SLCO3A1: variants seen among roughly 807,000 people sequenced by gnomAD.
The protein encoded by SLCO3A1 is solute carrier organic anion transporter family member 3A1.
SLCO3A1 carries 27 observed loss-of-function variants against 63.1 expected under a neutral mutation model. The ratio of observed to expected loss-of-function variants is 0.43; its 90% CI spans 0.32 to 0.59. SLCO3A1 has a LOEUF of 0.59. Ranked by LOEUF, SLCO3A1 falls within the 20% of genes least tolerant of loss-of-function variation. SLCO3A1 has a pLI of 0.09. For synonymous variants in SLCO3A1, 473 were observed against 409.9 expected (o/e 1.15, Z -1.86); for missense variants, 773 against 945.8 (o/e 0.82, Z 2.40).
intron 1 of SLCO3A1, among the ~76,000 whole-genome samples, chr15:91,874,325 T>C (rs1897347491): frequency 6.6e-6 from 1 of 152,114 alleles, no homozygotes; most frequent in Admixed American, 6.5e-5. Flanking sequence ...ATTAAGTATA[T>C]TCACAACGTT....
At chr15:91,880,162 CATCCATCCATCT>C (rs1162360224) in intron 1 of SLCO3A1, among the ~76,000 whole-genome samples, 66 of 125,548 alleles carry the variant, frequency 5.3e-4, no homozygotes, top group African/African-American at 2.0e-3. Context: ...TCCATCCATC[CATCCATCCATCT>C]ATCTATCTAT....
rs777374646 is a variant in SLCO3A1, at chr15:91,941,355, A to G, written c.646+24897A>G. The stretch of plus-strand genomic sequence containing the variant: ...GAGTGACCAGCTAGGACTGAGCCCA[A>G]AGACCTGAGATTCCCTGGGAGGCTG... On this transcript the variant is annotated intron_variant, in intron 2 of 9. Transcript: ENST00000318445. This position sits in a 1 kb window ranked among gnomAD's most constrained non-coding sequence, Gnocchi z 4.4. 2.7e-4 allele frequency: 100 copies of G among 364,402 alleles called. No homozygotes were observed. Among genetic ancestry groups the G allele is most frequent in the Non-Finnish European group, 3.7e-4 (69 of 185,706 alleles). The allele number at this position is 364,402 out of a possible 1,614,324, so 22.6% of individuals were successfully genotyped here. A position where few individuals can be genotyped will look rare whatever the true frequency, so the allele number is the denominator to read the frequency against.
At chr15:92,098,922 G>T (rs186916338) in intron 3 of SLCO3A1, among the ~76,000 whole-genome samples, 332 of 152,320 alleles carry the variant, frequency 2.2e-3, no homozygotes, top group Non-Finnish European at 3.5e-3. Context: ...TCCGAGAGAG[G>T]TTAACAGTTT....
chr15:92,012,545 AT>A (rs2046380332), intron 2 of SLCO3A1, among the ~76,000 whole-genome samples: 3 of 152,080 alleles, frequency 2.0e-5, no homozygotes, highest in Non-Finnish European at 4.4e-5. Flanking sequence ...CGCTGACCAC[AT>A]TGCTCTAGAA....
At chr15:92,095,432 A>C (rs2047526896) in intron 3 of SLCO3A1, among the ~76,000 whole-genome samples, 1 of 152,250 alleles carries the variant, frequency 6.6e-6, no homozygotes, top group Non-Finnish European at 1.5e-5. Context: ...AAACGGGGTC[A>C]ATGAGACAGA....
At chr15:92,143,381 ATAATATATATAT>A (rs2048162475) in intron 7 of SLCO3A1, among the ~76,000 whole-genome samples, 33 of 706 alleles carry the variant, frequency 0.047, 15 homozygotes, top group African/African-American at 0.44. Flanking sequence ...TATAATATAT[ATAATATATATAT>A]TATATAATAT....
At chr15:91,965,952 T>G (rs550324844) in intron 2 of SLCO3A1, among the ~76,000 whole-genome samples, 1 of 152,130 alleles carries the variant, frequency 6.6e-6, no homozygotes, top group African/African-American at 2.4e-5. Flanking sequence ...CTCAAGGAGA[T>G]TGTGTGAAGC....
intron 8 of SLCO3A1, among the ~76,000 whole-genome samples, chr15:92,147,517 A>G (rs957695733): frequency 6.6e-6 from 1 of 152,170 alleles, no homozygotes; most frequent in Non-Finnish European, 1.5e-5. Context: ...CTGCTTAGCC[A>G]TATGACCGTG....
chr15:92,162,911 G>C lies in SLCO3A1; in HGVS notation c.1909G>C (p.Ala637Pro). The part of the protein sequence containing the change: ...VSIAIALKSF[A>P]FILYTTTWQC... ...CATCGCCATCGCGCTCAAATCCTTC[G>C]CCTTCATCCTGTACACCACCACGTG... is the stretch of plus-strand genomic sequence containing the variant. Residue 637 changes from alanine (A) to proline (P), a missense_variant, in exon 10 of 10, where the codon GCC becomes CCC. Ala to Pro is a conservative substitution (Grantham distance 27). Around this residue, in one of 3 missense-constraint regions of SLCO3A1, gnomAD observed 139 missense variants for 131.4 expected, o/e 1.06. Transcript: ENST00000318445. 6.2e-7 allele frequency: 1 copy of C among 1,614,132 alleles called. No individual in the cohort carries two copies. The highest frequency in any genetic ancestry group is 8.5e-7 in the Non-Finnish European group (1 of 1,180,042).
At position 92,146,898 on chromosome 15, in the gene SLCO3A1, G is replaced by T. The variant is rs1038853485; in HGVS notation, c.1513-86G>T. The T allele has an allele frequency of 2.4e-6, 3 of 1,244,540 alleles. No homozygotes were observed. In the African/African-American group the frequency reaches 4.5e-5, roughly 19 times the overall value. 77.1% of individuals were successfully genotyped at this position (1,244,540 alleles called of 1,614,324 possible). A position where few individuals can be genotyped will look rare whatever the true frequency, so the allele number is the denominator to read the frequency against. Reference sequence around the variant, plus strand: ...GGAATGCCACAGAATGTGTAATTAGGCTGTGACAGATTCAGCTGATGGATG... The same window carrying T: ...GGAATGCCACAGAATGTGTAATTAGTCTGTGACAGATTCAGCTGATGGATG... On this transcript the variant is annotated intron_variant, in intron 7 of 9. Coordinates refer to ENST00000318445, the MANE Select transcript of SLCO3A1 (RefSeq NM_013272.4).
chr15:92,163,007 T>C lies in SLCO3A1; in HGVS notation c.2005T>C (p.Phe669Leu). 1 of 1,612,458 alleles carries C rather than the reference T, an allele frequency of 6.2e-7. No individual in the cohort carries two copies. The highest frequency in any genetic ancestry group is 2.2e-5 in the East Asian group (1 of 44,866). Residue 669 changes from phenylalanine (F) to leucine (L), a missense_variant, in exon 10 of 10, where the codon TTT (phenylalanine) becomes CTT (leucine). This residue lies in a region of SLCO3A1 where 139 missense variants were observed against 131.4 expected (regional missense o/e 1.06). Coordinates refer to ENST00000318445, the MANE Select transcript of SLCO3A1 (RefSeq NM_013272.4). ...HEGGLSTSEF[F>L]ASTLTLDNLG... Reference sequence around the variant, plus strand: ...GGGCGGGCTGAGCACCAGTGAGTTCTTTGCCTCTACTCTGACCCTAGACAA... The same window carrying C: ...GGGCGGGCTGAGCACCAGTGAGTTCCTTGCCTCTACTCTGACCCTAGACAA...
intron 5 of SLCO3A1, among the ~76,000 whole-genome samples, chr15:92,122,808 A>G (rs929448136): frequency 6.6e-6 from 1 of 152,242 alleles, no homozygotes; most frequent in African/African-American, 2.4e-5. Flanking sequence ...ATGGTAAACT[A>G]TTGCACAGAA....
At chr15:92,144,142 G>C (rs772791877) in intron 7 of SLCO3A1, among the ~76,000 whole-genome samples, 5 of 152,232 alleles carry the variant, frequency 3.3e-5, no homozygotes, top group Non-Finnish European at 7.3e-5. Flanking sequence ...TTGTAGAAGA[G>C]GAATACATAA....
chr15:92,094,926 T>G lies in SLCO3A1; in HGVS notation c.692T>G (p.Ile231Ser). The G allele has an allele frequency of 1.2e-6, 2 of 1,614,052 alleles. No individual in the cohort carries two copies. The highest frequency in any genetic ancestry group is 1.7e-6 in the Non-Finnish European group (2 of 1,179,860). Residue 231 changes from isoleucine (I) to serine (S), a missense_variant, in exon 3 of 10, where the codon ATC becomes AGC. Physicochemically the swap from Ile to Ser is moderately radical, Grantham distance 142. This residue lies in a region of SLCO3A1 where 565 missense variants were observed against 749.8 expected (regional missense o/e 0.75). Transcript: ENST00000318445. The stretch of plus-strand genomic sequence containing the variant: ...GTATTTGGACCAGCCTGCGGGTTTA[T>G]CCTGGGCTCTTTCTGTACCAAAATC... ...MLVFGPACGF[I>S]LGSFCTKIYV...
intron 4 of SLCO3A1, among the ~76,000 whole-genome samples, chr15:92,109,475 G>A (rs964321917): frequency 6.6e-6 from 1 of 152,164 alleles, no homozygotes; most frequent in African/African-American, 2.4e-5. Context: ...CCAACTCCCT[G>A]CAACCATTGG....
intron 2 of SLCO3A1, among the ~76,000 whole-genome samples, chr15:91,992,898 A>G (rs1177019700): frequency 6.6e-6 from 1 of 152,160 alleles, no homozygotes; most frequent in Non-Finnish European, 1.5e-5. Flanking sequence ...ATTTCCCCAT[A>G]TCTGAACTCT....
intron 2 of SLCO3A1, among the ~76,000 whole-genome samples, chr15:91,970,990 G>A (rs895812969): frequency 6.6e-6 from 1 of 152,082 alleles, no homozygotes; most frequent in Non-Finnish European, 1.5e-5. Context: ...TTGCCTATTT[G>A]CTAAAATGTA....
chr15:91,954,754 C>G lies in SLCO3A1; in HGVS notation c.646+38296C>G, dbSNP rs1900113517. ...GAGAGGGGTTGACCTGCGAAGCACC[C>G]TCTGCTTCCTCCTTCCTTCTCCAAC... On this transcript the variant is annotated intron_variant, in intron 2 of 9. Coordinates refer to ENST00000318445, the MANE Select transcript of SLCO3A1 (RefSeq NM_013272.4). This position sits in a 1 kb window ranked among gnomAD's most constrained non-coding sequence, Gnocchi z 4.7. 1.3e-5 allele frequency among the ~76,000 whole-genome samples: 2 copies of G among 152,076 alleles called. No homozygotes were observed. The highest frequency in any genetic ancestry group is 4.8e-5 in the African/African-American group (2 of 41,404).
At chr15:91,931,054 C>T (rs1031879477) in intron 2 of SLCO3A1, among the ~76,000 whole-genome samples, 7 of 152,110 alleles carry the variant, frequency 4.6e-5, no homozygotes, top group East Asian at 1.9e-4. Context: ...AGATGTGGAG[C>T]TGGAAAATAT....
Sources: allele counts gnomAD v4.1 joint callset (sites outside exome capture counted in the v4.1 genomes callset), GRCh38; gene constraint gnomAD v4.1.1; regional missense constraint gnomAD v4.1.1; non-coding constraint Gnocchi (gnomAD v3.1); transcripts MANE v1.5; gene names NCBI Gene and HGNC (gene_info 2026-07-23, HGNC 2026-07-21).